PCSK2: variants seen among roughly 807,000 people sequenced by gnomAD.
PCSK2 encodes neuroendocrine convertase 2.
A neutral mutation model predicts 69.7 loss-of-function variants in PCSK2; 14 were observed. The ratio of observed to expected loss-of-function variants is 0.20; its 90% confidence interval spans 0.13 to 0.31. PCSK2 has a LOEUF of 0.31. PCSK2 is among the 10% of genes least tolerant of loss of function. The pLI, the probability that PCSK2 is intolerant of heterozygous loss-of-function variation, is 1.00. For synonymous variants in PCSK2, 307 were observed against 320.7 expected (o/e 0.96, Z 0.46); for missense variants, 544 against 842.5 (o/e 0.65, Z 4.39).
At chr20:17,269,482 T>G (rs954874352) in intron 2 of PCSK2, among the ~76,000 whole-genome samples, 4 of 152,158 alleles carry the variant, frequency 2.6e-5, no homozygotes, top group African/African-American at 9.7e-5. Flanking sequence ...CTATAATTAT[T>G]TCTTATTAGA....
chr20:17,268,060 T>TATATATAAAA (rs1395373344), intron 2 of PCSK2, among the ~76,000 whole-genome samples: 42 of 146,226 alleles, frequency 2.9e-4, no homozygotes, highest in African/African-American at 1.0e-3. Flanking sequence ...TATATATATA[T>TATATATAAAA]ATAATGCATT....
In PCSK2 at chr20:17,316,016, A is replaced by G. The variant is rs542802589; in HGVS notation, c.283-42311A>G. Reference sequence around the variant, plus strand: ...TGCTGGGAGCGAGTGCGCCACAGAGATTAACTCTGCCTCTCCAGTCAGGCC... The same window carrying G: ...TGCTGGGAGCGAGTGCGCCACAGAGGTTAACTCTGCCTCTCCAGTCAGGCC... On this transcript the variant is annotated intron_variant, in intron 2 of 11. Transcript: ENST00000262545. 2.6e-4 allele frequency among the ~76,000 whole-genome samples: 39 copies of G among 152,274 alleles called. No individual in the cohort carries two copies. The South Asian group carries it at 4.8e-3, about 19-fold the overall frequency.
chr20:17,294,791 A>G (rs6131930), intron 2 of PCSK2, among the ~76,000 whole-genome samples: 11,867 of 152,148 alleles, frequency 0.078, 541 homozygotes, highest in East Asian at 0.11. Context: ...AGAGTTAACA[A>G]TCTGAACACT....
intron 10 of PCSK2, among the ~76,000 whole-genome samples, chr20:17,460,744 A>T (rs1239729099): frequency 2.0e-5 from 3 of 152,214 alleles, no homozygotes; most frequent in Non-Finnish European, 2.9e-5. Context: ...GTTCATTTAC[A>T]TACTTTTAAA....
chr20:17,267,817 G>T (rs576145330), intron 2 of PCSK2, among the ~76,000 whole-genome samples: 59 of 152,054 alleles, frequency 3.9e-4, no homozygotes, highest in African/African-American at 1.4e-3. Context: ...ACAAGCCCTG[G>T]TATAGAGAAA....
chr20:17,402,376 T>G lies in PCSK2; in HGVS notation c.544-6887T>G, dbSNP rs564866376. Among the ~76,000 whole-genome samples the G allele has an allele frequency of 1.4e-4, 21 of 152,276 alleles. 1 individual carries two copies. The South Asian group carries it at 4.4e-3, about 32-fold the overall frequency. ...AAAGGATGGAGCTGCTTAGCTCTGG[T>G]AAATACTGGCCAGGCACAGAGGCTC... On this transcript the variant is annotated intron_variant, in intron 5 of 11. Coordinates refer to ENST00000262545, the MANE Select transcript of PCSK2 (RefSeq NM_002594.5).
At chr20:17,437,524 A>C (rs2032508504) in intron 8 of PCSK2, among the ~76,000 whole-genome samples, 1 of 152,164 alleles carries the variant, frequency 6.6e-6, no homozygotes, top group African/African-American at 2.4e-5. Flanking sequence ...ACATGACCCC[A>C]GGCTCAGGGA....
At chr20:17,430,234 C>G (rs988250425) in intron 7 of PCSK2, among the ~76,000 whole-genome samples, 1 of 152,024 alleles carries the variant, frequency 6.6e-6, no homozygotes, top group African/African-American at 2.4e-5. Context: ...GAGAGAGAGA[C>G]ACAGACAGAG....
chr20:17,360,522 C>A lies in PCSK2; in HGVS notation c.397-10C>A. On this transcript the variant is annotated splice_polypyrimidine_tract_variant and intron_variant, in intron 3 of 11. Coordinates refer to ENST00000262545, the MANE Select transcript of PCSK2 (RefSeq NM_002594.5). The stretch of plus-strand genomic sequence containing the variant: ...TAATACCATTCTCTGCTTTGAAATT[C>A]CTGTACCAGATCAATACTGGGCAAG... The A allele has an allele frequency of 6.4e-7, 1 of 1,562,608 alleles. No homozygotes were observed. Among genetic ancestry groups the A allele is most frequent in the Non-Finnish European group, 8.8e-7 (1 of 1,135,940 alleles).
chr20:17,330,724 T>C (rs917028795), intron 2 of PCSK2, among the ~76,000 whole-genome samples: 1 of 152,148 alleles, frequency 6.6e-6, no homozygotes, highest in Admixed American at 6.5e-5. Context: ...AATCAGCCAA[T>C]GTAACAGGAA....
chr20:17,395,138 G>A (rs753468480), intron 5 of PCSK2, among the ~76,000 whole-genome samples: 29 of 152,050 alleles, frequency 1.9e-4, no homozygotes, highest in Admixed American at 3.9e-4. Context: ...CCAAGGTCAC[G>A]ACACTCTATT....
intron 2 of PCSK2, among the ~76,000 whole-genome samples, chr20:17,299,826 TG>T (rs1989017178): frequency 1.3e-5 from 2 of 152,212 alleles, no homozygotes; most frequent in African/African-American, 4.8e-5. Flanking sequence ...CATTTCATTT[TG>T]GGGACTCTCA....
At chr20:17,442,850 T>G (rs1349392396) in intron 8 of PCSK2, among the ~76,000 whole-genome samples, 1 of 152,216 alleles carries the variant, frequency 6.6e-6, no homozygotes, top group African/African-American at 2.4e-5. Context: ...CTCTTCTGAC[T>G]TCCCTTAAAT....
At chr20:17,326,903 G>A (rs1990071672) in intron 2 of PCSK2, among the ~76,000 whole-genome samples, 1 of 152,212 alleles carries the variant, frequency 6.6e-6, no homozygotes, top group South Asian at 2.1e-4. Context: ...TGCCTGGGAT[G>A]TGGGGCTGCC....
At chr20:17,436,910 G>C in intron 8 of PCSK2, 27 bp downstream of exon 8, 1 of 1,565,396 alleles carries the variant, frequency 6.4e-7, no homozygotes, top group Non-Finnish European at 8.6e-7. Flanking sequence ...CCTAGGCCCC[G>C]GCCACTCACA....
At chr20:17,361,979 G>A (rs2030411895) in intron 4 of PCSK2, among the ~76,000 whole-genome samples, 1 of 152,190 alleles carries the variant, frequency 6.6e-6, no homozygotes, top group South Asian at 2.1e-4. Flanking sequence ...AGGAGATATT[G>A]TCATGACCAT....
intron 2 of PCSK2, among the ~76,000 whole-genome samples, chr20:17,267,231 C>A (rs1195130483): frequency 6.6e-6 from 1 of 152,084 alleles, no homozygotes; most frequent in Non-Finnish European, 1.5e-5. Flanking sequence ...GCCAAGAGAC[C>A]CAAGTGAAAC....
intron 5 of PCSK2, among the ~76,000 whole-genome samples, chr20:17,386,898 A>C (rs1259039325): frequency 6.6e-6 from 1 of 152,234 alleles, no homozygotes; most frequent in Non-Finnish European, 1.5e-5. Flanking sequence ...CCAAGTGAGC[A>C]CAATCCACTT....
intron 2 of PCSK2, among the ~76,000 whole-genome samples, chr20:17,340,035 G>A (rs1990465711): frequency 6.6e-6 from 1 of 152,150 alleles, no homozygotes; most frequent in African/African-American, 2.4e-5. Context: ...TAGCTCTCTG[G>A]CTATAAATTC....
Sources: gnomAD v4.1 joint callset for allele counts (sites outside exome capture counted in the v4.1 genomes callset) on GRCh38, gnomAD v4.1.1 for gene constraint, MANE v1.5 for transcripts, NCBI Gene and HGNC (gene_info 2026-07-23, HGNC 2026-07-21) for gene names.